PNKP: variants seen among roughly 807,000 people sequenced by gnomAD.
PNKP encodes polynucleotide kinase 3'-phosphatase, also known as bifunctional polynucleotide phosphatase/kinase.
A neutral mutation model predicts 66.2 loss-of-function variants in PNKP; 82 were observed. The observed-to-expected ratio is 1.24, with a 90% CI of 1.04 to 1.49. The LOEUF (loss-of-function observed/expected upper bound fraction) is 1.49, where lower values mean the gene tolerates loss of function less well. Ranked by LOEUF, PNKP falls within the 40% of genes most tolerant of loss-of-function variation. The pLI is 0.00. For missense variants in PNKP, 907 were observed against 706.8 expected (o/e 1.28, Z -3.21); for synonymous variants, 412 against 298.9 (o/e 1.38, Z -3.90).
chr19:49,862,558 AGTCT>A lies in PNKP; in HGVS notation c.912_915del (p.Lys304AsnfsTer57). 6.2e-7 allele frequency: 1 copy of A among 1,612,338 alleles called. No individual in the cohort carries two copies. The highest frequency in any genetic ancestry group is 8.5e-7 in the Non-Finnish European group (1 of 1,179,200). On this transcript the variant is annotated frameshift_variant, in exon 10 of 17. Transcript: ENST00000322344. LOFTEE classifies it high-confidence loss of function. ...CTCACCAGGCGATCGGCGCAGGAGA[AGTCT>A]TTCTTCTTCCGCCCCGGGGCCCAGT...
Position 49,866,436 on chromosome 19 carries a change from A to G in PNKP, c.161T>C (p.Val54Ala), listed in dbSNP as rs2074821139. The G allele has an allele frequency of 1.2e-6, 2 of 1,614,128 alleles. No homozygotes were observed. Among genetic ancestry groups the G allele is most frequent in the Non-Finnish European group, 1.7e-6 (2 of 1,179,970 alleles). Residue 54 changes from valine (V) to alanine (A), a missense_variant, in exon 3 of 17, where the codon GTC becomes GCC. Physicochemically the swap from Val to Ala is moderately conservative, Grantham distance 64 (BLOSUM62 0). Transcript: ENST00000322344. ...CACTGTCCGGGTCTCAGGATCTGCG[A>G]CCAGCTCCACTGAGGATTGGAGGGG... ...RKCSRTQVELVADPETRTVAV... is the reference protein window; with the variant it reads ...RKCSRTQVELAADPETRTVAV...
rs796052863 is a variant in PNKP at position 49,861,610 on chromosome 19, GGTT to G, written c.1381_1383del (p.Asn461del). ...GTGTCCGGGCTGAGCGGGCTCACCC[GGTT>G]GTTGTGGCGCGCCTGCTCCAGAGTG... is the stretch of plus-strand genomic sequence containing the variant. On this transcript the variant is annotated inframe_deletion, in exon 15 of 17. Coordinates refer to ENST00000322344, the MANE Select transcript of PNKP (RefSeq NM_007254.4). 17 of 1,557,658 alleles carry G rather than the reference GGTT, an allele frequency of 1.1e-5. No individual in the cohort carries two copies. Among genetic ancestry groups the G allele is most frequent in the East Asian group, 2.4e-5 (1 of 41,584 alleles).
At chr19:49,866,676 CCTT>C in intron 2 of PNKP, 8 of 631,814 alleles carry the variant, frequency 1.3e-5, no homozygotes, top group Non-Finnish European at 2.3e-5. Flanking sequence ...TTGGTTTCCT[CCTT>C]GACAAAAAAT....
chr19:49,862,961 C>T, intron 8 of PNKP: 1 of 648,254 alleles, frequency 1.5e-6, no homozygotes, highest in Non-Finnish European at 2.8e-6. Context: ...ACTTCACCTC[C>T]TCCCGTTCCC....
At position 49,861,634 on chromosome 19, in the gene PNKP, G is replaced by C. The variant is rs200611702; in HGVS notation, c.1360C>G (p.Leu454Val). 7 of 1,552,622 alleles carry C rather than the reference G, an allele frequency of 4.5e-6. No individual in the cohort carries two copies. The Admixed American group carries it at 1.2e-4, about 26-fold the overall frequency. Residue 454 changes from leucine (L) to valine (V), a missense_variant, in exon 15 of 17, where the codon CTG (leucine) becomes GTG (valine). Coordinates refer to ENST00000322344, the MANE Select transcript of PNKP (RefSeq NM_007254.4). ...PCRCFLFTAT[L>V]EQARHNNRFR... ...CGGTTGTTGTGGCGCGCCTGCTCCA[G>C]AGTGGCGGTGAAGAGGAAGCAGCGG... is the stretch of plus-strand genomic sequence containing the variant.
At chr19:49,861,728 G>A (rs765972315) in intron 14 of PNKP, 33 bp from the exon 15 acceptor site, 14 of 1,549,140 alleles carry the variant, frequency 9.0e-6, no homozygotes, top group African/African-American at 2.7e-5. Context: ...TGCAGGCCCC[G>A]CCCACCCCGC....
intron 3 of PNKP, 49 bp from the exon 4 acceptor site, chr19:49,865,475 G>A (rs2074811634): frequency 5.0e-6 from 7 of 1,403,934 alleles, no homozygotes; most frequent in Non-Finnish European, 6.9e-6. Flanking sequence ...CCCACCGGGA[G>A]CTTCCTCCAA....
In PNKP at chr19:49,867,138, A is replaced by G. The variant is rs1318940913; in HGVS notation, c.67T>C (p.Phe23Leu). The G allele has an allele frequency of 1.2e-6, 2 of 1,612,844 alleles. No homozygotes were observed. The highest frequency in any genetic ancestry group is 1.7e-6 in the Non-Finnish European group (2 of 1,179,762). ...AGGGCTTGCCCGTCCGAGGGCAGGAAGATGGGGGGCGCTCCCCCAGGGGGG... is the reference window on the plus strand; with the variant it reads ...AGGGCTTGCCCGTCCGAGGGCAGGAGGATGGGGGGCGCTCCCCCAGGGGGG... ...ESPPGGAPPI[F>L]LPSDGQALVL... Residue 23 changes from phenylalanine (F) to leucine (L), a missense_variant, in exon 2 of 17, where the codon TTC becomes CTC. Transcript: ENST00000322344.
Position 49,863,995 on chromosome 19 carries a change from G to T in PNKP, c.713C>A (p.Ala238Asp), listed in dbSNP as rs746166841. 3.1e-6 allele frequency: 5 copies of T among 1,613,920 alleles called. No homozygotes were observed. Among genetic ancestry groups the T allele is most frequent in the Non-Finnish European group, 4.2e-6 (5 of 1,179,886 alleles). ...GGGGACCCCCAGCTTCTCCACCACA[G>T]CCTCCACCTTGGCCTTGAACTCCTC... is the stretch of plus-strand genomic sequence containing the variant. The part of the protein sequence containing the change: ...PAEEFKAKVE[A>D]VVEKLGVPFQ... The change falls in exon 7 of 17, where the codon GCT (alanine) becomes GAT (aspartate). Residue 238 changes from alanine to aspartate, a missense_variant. Coordinates refer to ENST00000322344, the MANE Select transcript of PNKP (RefSeq NM_007254.4).
chr19:49,864,970 C>T (rs1243845637), intron 4 of PNKP, among the ~76,000 whole-genome samples, 157 bp downstream of exon 4: 1 of 152,228 alleles, frequency 6.6e-6, no homozygotes, highest in Non-Finnish European at 1.5e-5. Flanking sequence ...ATATATCATT[C>T]TCCCCACTGC....
At position 49,862,062 on chromosome 19, in the gene PNKP, T is replaced by C. The variant is rs1064796440; in HGVS notation, c.1170A>G (p.Gly390=). The stretch of plus-strand genomic sequence containing the variant: ...GTCATACCCTGTTCACGTGGACATA[T>C]CCGGCCGACACGAGGTGCTTCTTGA... ...TFLKKHLVSA[G]YVHVNRDTLG... Residue 390 remains glycine (G), a synonymous_variant, in exon 13 of 17, where the codon GGA becomes GGG. Transcript: ENST00000322344. The C allele has an allele frequency of 6.2e-7, 1 of 1,614,108 alleles. No individual in the cohort carries two copies. The highest frequency in any genetic ancestry group is 8.5e-7 in the Non-Finnish European group (1 of 1,179,988).
rs1334243225 is a variant in PNKP, at chr19:49,867,045, C to G, written c.151+9G>C. 1.2e-6 allele frequency: 2 copies of G among 1,613,560 alleles called. No individual in the cohort carries two copies. The highest frequency in any genetic ancestry group is 2.7e-5 in the African/African-American group (2 of 74,934). ...AGGCCACACCCCCTCCAGCTCAGGC[C>G]CCGCTCACCTTGAGTTCTGGAGCAC... On this transcript the variant is annotated intron_variant, in intron 2 of 16. Coordinates refer to ENST00000322344, the MANE Select transcript of PNKP (RefSeq NM_007254.4).
Position 49,861,761 on chromosome 19 carries a change from GGTCACGCTACCTGGCGCGGCTCGCGGC to G in PNKP, c.1282_1298+10del. 1 of 1,564,434 alleles carries G rather than the reference GGTCACGCTACCTGGCGCGGCTCGCGGC, an allele frequency of 6.4e-7. No homozygotes were observed. Among genetic ancestry groups the G allele is most frequent in the Non-Finnish European group, 8.7e-7 (1 of 1,155,150 alleles). On this transcript the variant is annotated splice_donor_variant and splice_donor_5th_base_variant and coding_sequence_variant and intron_variant, in exon 14 of 17. Coordinates refer to ENST00000322344, the MANE Select transcript of PNKP (RefSeq NM_007254.4). LOFTEE classifies it high-confidence loss of function. ...CGCCGCAGGCCACCTACGGCCCCGC[GGTCACGCTACCTGGCGCGGCTCGCGGC>G]GTCTGGGTTTGTGTTGTCGATGGCG...
rs1240949288 is a variant in PNKP, at chr19:49,867,139, G to A, written c.66C>T (p.Ile22=). Residue 22 remains isoleucine (I), a synonymous_variant, in exon 2 of 17, where the codon ATC becomes ATT. Transcript: ENST00000322344. ...LESPPGGAPP[I]FLPSDGQALV... is the part of the protein sequence containing the mutation. ...GGGCTTGCCCGTCCGAGGGCAGGAA[G>A]ATGGGGGGCGCTCCCCCAGGGGGGC... 1.2e-6 allele frequency: 2 copies of A among 1,612,668 alleles called. No homozygotes were observed. The highest frequency in any genetic ancestry group is 1.7e-6 in the Non-Finnish European group (2 of 1,179,732).
chr19:49,866,306 A>C (rs1189452077), intron 3 of PNKP, 93 bp downstream of exon 3: 7 of 1,194,270 alleles, frequency 5.9e-6, no homozygotes, highest in African/African-American at 1.5e-5. Context: ...GGCCCCAATC[A>C]GATTTTCCTA....
chr19:49,867,091 C>T lies in PNKP; in HGVS notation c.114G>A (p.Leu38=), dbSNP rs1464406982. The T allele has an allele frequency of 2.5e-6, 4 of 1,613,834 alleles. No homozygotes were observed. The highest frequency in any genetic ancestry group is 3.4e-6 in the Non-Finnish European group (4 of 1,179,994). Residue 38 remains leucine, a synonymous_variant, in exon 2 of 17, where the codon CTG becomes CTA. Transcript: ENST00000322344. ...GQALVLGRGP[L]TQVTDRKCSR... ...AGCACTTCCGGTCCGTAACCTGGGTCAGGGGTCCCCTGCCCAGGACCAGGG... is the reference window on the plus strand; with the variant it reads ...AGCACTTCCGGTCCGTAACCTGGGTTAGGGGTCCCCTGCCCAGGACCAGGG...
rs774384631 is a variant in PNKP at position 49,865,146 on chromosome 19, C to T, written c.479G>A (p.Gly160Glu). 6.2e-7 allele frequency: 1 copy of T among 1,614,056 alleles called. No homozygotes were observed. ...LEKLLVFTAA[G>E]VKPQGKVAGF... ...CCTCACCTTGCCCTGGGGTTTCACC[C>T]CAGCTGCGGTGAACACTAGCAACTT... is the stretch of plus-strand genomic sequence containing the variant. Residue 160 changes from glycine to glutamate, a missense_variant, in exon 4 of 17, where the codon GGG becomes GAG. Coordinates refer to ENST00000322344, the MANE Select transcript of PNKP (RefSeq NM_007254.4).
intron 8 of PNKP, 73 bp downstream of exon 8, chr19:49,863,616 G>A: frequency 8.7e-7 from 1 of 1,153,338 alleles, no homozygotes; most frequent in Non-Finnish European, 1.3e-6. Context: ...GCCCCAACCG[G>A]AGGCCGGGGA....
At position 49,861,454 on chromosome 19, in the gene PNKP, G is replaced by GCCAT; in HGVS notation, c.1439_1442dup (p.Tyr482TrpfsTer13). The GCCAT allele has an allele frequency of 6.2e-7, 1 of 1,613,694 alleles. No individual in the cohort carries two copies. On this transcript the variant is annotated frameshift_variant, in exon 16 of 17. Coordinates refer to ENST00000322344, the MANE Select transcript of PNKP (RefSeq NM_007254.4). LOFTEE classifies it high-confidence loss of function. ...CCTGCTATCCCCAACAGTACCTGTA[G>GCCAT]CCATACATGACCATGTCTGACACGG...
Sources: allele counts gnomAD v4.1 joint callset (sites outside exome capture counted in the v4.1 genomes callset), GRCh38; gene constraint gnomAD v4.1.1; transcripts MANE v1.5; gene names NCBI Gene and HGNC (gene_info 2026-07-23, HGNC 2026-07-21).